Variants in ATP6V1B2 observed in about 807,000 individuals in gnomAD.
ATP6V1B2 encodes ATPase H+ transporting V1 subunit B2, also known as V-type proton ATPase subunit B, brain isoform.
In ATP6V1B2, 23 loss-of-function variants were observed where a neutral mutation model predicts 66.7. That is an observed-to-expected ratio of 0.34 (90% CI 0.25 to 0.49). The LOEUF is 0.49. ATP6V1B2 is among the 20% of genes least tolerant of loss of function. The pLI is 0.99. For synonymous variants in ATP6V1B2, 278 were observed against 236.7 expected (o/e 1.17, Z -1.60); for missense variants, 478 against 650.8 (o/e 0.73, Z 2.89).
intron 7 of ATP6V1B2, 128 bp downstream of exon 7, chr8:20,211,881 C>A: frequency 1.1e-6 from 1 of 878,122 alleles, no homozygotes; most frequent in Non-Finnish European, 1.7e-6. Context: ...GCATTTTGGC[C>A]AAATTAAGGA....
chr8:20,221,653 C>T lies in ATP6V1B2; in HGVS notation c.*1251C>T, dbSNP rs1167897306. ...TATTTTAATGTAGAAAATGTGACAT[C>T]TGGATATAAAATGAAAATAAATGTT... On this transcript the variant is annotated 3_prime_UTR_variant, in exon 14 of 14. Coordinates refer to ENST00000276390, the MANE Select transcript of ATP6V1B2 (RefSeq NM_001693.4). 3 of 152,568 alleles carry T rather than the reference C, an allele frequency of 2.0e-5. No homozygotes were observed. Among genetic ancestry groups the T allele is most frequent in the African/African-American group, 7.2e-5 (3 of 41,424 alleles). 9.5% of individuals were successfully genotyped at this position (152,568 alleles called of 1,614,324 possible).
chr8:20,217,085 A>G (rs1274642466), intron 11 of ATP6V1B2, 135 bp from the exon 12 acceptor site: 4 of 690,752 alleles, frequency 5.8e-6, no homozygotes, highest in Non-Finnish European at 9.9e-6. Flanking sequence ...AGACAGTAGG[A>G]TTCATCTAGG....
chr8:20,211,360 A>T lies in ATP6V1B2; in HGVS notation c.603+44A>T, dbSNP rs1212355469. 3.1e-6 allele frequency: 5 copies of T among 1,590,158 alleles called. No homozygotes were observed. In the South Asian group the frequency reaches 5.7e-5, roughly 18 times the overall value. ...TTGCTATGAAGTTTAGCAGACAAGAATTTCTATAATGCATCACTGTTACTG... is the reference window on the plus strand; with the variant it reads ...TTGCTATGAAGTTTAGCAGACAAGATTTTCTATAATGCATCACTGTTACTG... On this transcript the variant is annotated intron_variant, in intron 6 of 13. Transcript: ENST00000276390.
chr8:20,216,795 GA>G, intron 11 of ATP6V1B2: 1 of 276,510 alleles, frequency 3.6e-6, no homozygotes, highest in Non-Finnish European at 6.8e-6. Flanking sequence ...GTTATTGATA[GA>G]AAAAAATGAC....
intron 1 of ATP6V1B2, among the ~76,000 whole-genome samples, chr8:20,198,158 C>G (rs550114972): frequency 2.6e-4 from 39 of 152,310 alleles, no homozygotes; most frequent in African/African-American, 9.1e-4. Flanking sequence ...CCAGTCCAAC[C>G]CTATCATTTT....
chr8:20,213,052 C>A, intron 9 of ATP6V1B2, 147 bp downstream of exon 9: 1 of 1,145,584 alleles, frequency 8.7e-7, no homozygotes, highest in Non-Finnish European at 1.2e-6. Context: ...AGAAAGGAAA[C>A]TACTTCGTTT....
intron 1 of ATP6V1B2, among the ~76,000 whole-genome samples, chr8:20,199,249 G>T (rs1366104848): frequency 2.6e-5 from 4 of 152,170 alleles, no homozygotes; most frequent in Non-Finnish European, 2.9e-5. Context: ...GTAGCATAGG[G>T]CTTCACACTC....
intron 2 of ATP6V1B2, among the ~76,000 whole-genome samples, chr8:20,208,812 G>T (rs1035261698): frequency 2.0e-5 from 3 of 151,038 alleles, no homozygotes; most frequent in South Asian, 2.1e-4. Flanking sequence ...GGCTCAAGCA[G>T]TTCTGCCCCA....
intron 2 of ATP6V1B2, among the ~76,000 whole-genome samples, chr8:20,208,027 A>G (rs183250685): frequency 1.3e-5 from 2 of 152,370 alleles, no homozygotes; most frequent in African/African-American, 4.8e-5. Flanking sequence ...TTTTATTAAA[A>G]TGGCAAAAAT....
At position 20,210,659 on chromosome 8, in the gene ATP6V1B2, G is replaced by T. The variant is rs376499454; in HGVS notation, c.463+13G>T. Reference sequence around the variant, plus strand: ...CTTGATATCATGGGTAGGTACAGTAGATGGATTGCTGTGTTTGGGAGAAAA... The same window carrying T: ...CTTGATATCATGGGTAGGTACAGTATATGGATTGCTGTGTTTGGGAGAAAA... On this transcript the variant is annotated intron_variant, in intron 5 of 13. Coordinates refer to ENST00000276390, the MANE Select transcript of ATP6V1B2 (RefSeq NM_001693.4). 1.2e-5 allele frequency: 19 copies of T among 1,604,218 alleles called. No homozygotes were observed. The African/African-American group carries it at 2.5e-4, about 21-fold the overall frequency.
chr8:20,202,140 C>T (rs1375148918), intron 1 of ATP6V1B2, among the ~76,000 whole-genome samples: 1 of 152,168 alleles, frequency 6.6e-6, no homozygotes, highest in Non-Finnish European at 1.5e-5. Flanking sequence ...TTTTGCATAC[C>T]TAAAATTGCA....
chr8:20,211,536 C>G, intron 6 of ATP6V1B2, 116 bp from the exon 7 acceptor site: 1 of 1,299,028 alleles, frequency 7.7e-7, no homozygotes, highest in Non-Finnish European at 1.1e-6. Context: ...AATGAATACC[C>G]TAAAACATCC....
chr8:20,211,817 G>A, intron 7 of ATP6V1B2, 64 bp downstream of exon 7: 1 of 1,311,974 alleles, frequency 7.6e-7, no homozygotes, highest in Non-Finnish European at 1.1e-6. Flanking sequence ...GAACATTGTA[G>A]TAAGCTGTAC....
chr8:20,199,482 A>G (rs1434475192), intron 1 of ATP6V1B2, among the ~76,000 whole-genome samples: 1 of 152,138 alleles, frequency 6.6e-6, no homozygotes, highest in South Asian at 2.1e-4. Context: ...CATAAATGAT[A>G]TCATACTTAG....
chr8:20,210,742 T>A, intron 5 of ATP6V1B2, 96 bp downstream of exon 5: 4 of 941,142 alleles, frequency 4.3e-6, no homozygotes, highest in Non-Finnish European at 6.8e-6. Flanking sequence ...TGATATCACT[T>A]AAAGTAGATA....
intron 12 of ATP6V1B2, 91 bp downstream of exon 12, chr8:20,217,415 C>G (rs2072867208): frequency 8.9e-7 from 1 of 1,128,992 alleles, no homozygotes; most frequent in East Asian, 2.4e-5. Context: ...CCACTTCTCT[C>G]TTCCCCATCC....
rs1204229148 is a variant in ATP6V1B2 at position 20,209,522 on chromosome 8, A to T, written c.282A>T (p.Ala94=). The T allele has an allele frequency of 6.2e-7, 1 of 1,613,892 alleles. No homozygotes were observed. Among genetic ancestry groups the T allele is most frequent in the South Asian group, 1.1e-5 (1 of 91,082 alleles). ...GQVLEVSGSK[A]VVQVFEGTSG... is the part of the protein sequence containing the mutation. ...TTCTGGAAGTTAGTGGTTCCAAGGCAGTAGTTCAGGTAAGTTTCAGCTGGC... is the reference window on the plus strand; with the variant it reads ...TTCTGGAAGTTAGTGGTTCCAAGGCTGTAGTTCAGGTAAGTTTCAGCTGGC... Residue 94 remains alanine, a synonymous_variant, in exon 3 of 14, where the codon GCA becomes GCT. Transcript: ENST00000276390.
chr8:20,202,044 C>T (rs2128884607), intron 1 of ATP6V1B2, among the ~76,000 whole-genome samples: 1 of 152,332 alleles, frequency 6.6e-6, no homozygotes, highest in Non-Finnish European at 1.5e-5. Context: ...CCTCATGACC[C>T]ATTCCCCTCT....
chr8:20,209,356 G>C (rs542104578), intron 2 of ATP6V1B2, 77 bp from the exon 3 acceptor site: 1 of 1,396,132 alleles, frequency 7.2e-7, no homozygotes, highest in African/African-American at 1.4e-5. Flanking sequence ...ACACAACATG[G>C]GAGAGACAGA....
Sources: gnomAD v4.1 joint callset for allele counts (sites outside exome capture counted in the v4.1 genomes callset) on GRCh38, gnomAD v4.1.1 for gene constraint, MANE v1.5 for transcripts, NCBI Gene and HGNC (gene_info 2026-07-23, HGNC 2026-07-21) for gene names.